The following DCDC1 variants were observed in gnomAD, a reference collection of about 807,000 sequenced individuals.
DCDC1 encodes doublecortin domain containing 1.
A neutral mutation model predicts 178.3 loss-of-function variants in DCDC1; 200 were observed. The observed-to-expected ratio is 1.12, with a 90% CI of 1.00 to 1.26. The LOEUF is 1.26. DCDC1 is among the 50% of genes most tolerant of loss of function. DCDC1 has a pLI of 0.00. For missense variants in DCDC1, 1,983 were observed against 1,749.2 expected, an observed-to-expected ratio of 1.13 and a Z score of -2.38; for synonymous variants, 690 against 604.8, an observed-to-expected ratio of 1.14 and a Z score of -2.07.
chr11:31,306,335 A>T lies in DCDC1; in HGVS notation c.488T>A (p.Leu163Ter). 1 of 1,610,128 alleles carries T rather than the reference A, an allele frequency of 6.2e-7. No individual in the cohort carries two copies. The highest frequency in any genetic ancestry group is 8.5e-7 in the Non-Finnish European group (1 of 1,178,042). ...TGGTTGAAGTTTGTGTCTTTGAGAC[A>T]ATTTCTGCCAATTCCGGGCTGACTG... The part of the protein sequence containing the change: ...KFQSARNWQK[L>*]SQRHKLQPRV... The change falls in exon 5 of 39, where the codon TTG becomes TAG. Residue 163 changes from leucine (L) to a stop codon, truncating the protein, a stop_gained. Transcript: ENST00000684477. LOFTEE classifies it high-confidence loss of function.
chr11:31,025,797 T>C (rs1470351477), intron 20 of DCDC1, among the ~76,000 whole-genome samples: 1 of 151,754 alleles, frequency 6.6e-6, no homozygotes, highest in African/African-American at 2.4e-5. Flanking sequence ...ATCTACACAA[T>C]AAATATGGCA....
At chr11:31,010,889 G>GT (rs1008886742) in intron 20 of DCDC1, among the ~76,000 whole-genome samples, 1 of 151,940 alleles carries the variant, frequency 6.6e-6, no homozygotes, top group Non-Finnish European at 1.5e-5. Flanking sequence ...AATTAGTTTT[G>GT]TTTTTTGCTT....
At chr11:30,993,648 A>G (rs1951102665) in intron 20 of DCDC1, among the ~76,000 whole-genome samples, 1 of 152,154 alleles carries the variant, frequency 6.6e-6, no homozygotes. Flanking sequence ...AATCGCATAC[A>G]CAGTGAAAGT....
At chr11:30,878,842 CA>C in intron 37 of DCDC1, 131 bp from the exon 38 acceptor site, 1 of 751,320 alleles carries the variant, frequency 1.3e-6, no homozygotes, top group Non-Finnish European at 2.0e-6. Flanking sequence ...TCTCTCATTA[CA>C]ACTTTGACTT....
intron 1 of DCDC1, among the ~76,000 whole-genome samples, chr11:31,347,390 T>G (rs984373642): frequency 3.9e-5 from 6 of 152,066 alleles, no homozygotes; most frequent in Non-Finnish European, 8.8e-5. Context: ...TCCCAAATTG[T>G]GAGGGAGAGT....
intron 20 of DCDC1, among the ~76,000 whole-genome samples, chr11:30,962,285 T>G (rs181099593): frequency 7.9e-5 from 12 of 152,172 alleles, no homozygotes; most frequent in Admixed American, 2.0e-4. Flanking sequence ...ACAGTTGAAA[T>G]TTGTTCATCT....
At chr11:31,033,963 G>A (rs1202473328) in intron 20 of DCDC1, among the ~76,000 whole-genome samples, 1 of 137,332 alleles carries the variant, frequency 7.3e-6, no homozygotes, top group African/African-American at 2.8e-5. Context: ...GGCCAACATA[G>A]TAAAACCCTG....
At chr11:30,945,047 C>T (rs943144968) in intron 21 of DCDC1, among the ~76,000 whole-genome samples, 2 of 135,606 alleles carry the variant, frequency 1.5e-5, no homozygotes, top group African/African-American at 5.5e-5. Context: ...CAGCTCACTG[C>T]AACCTCTGCC....
At chr11:30,994,782 AT>A (rs1297534604) in intron 20 of DCDC1, among the ~76,000 whole-genome samples, 1 of 145,642 alleles carries the variant, frequency 6.9e-6, no homozygotes, top group Non-Finnish European at 1.5e-5. Flanking sequence ...AATATTTATT[AT>A]AATAAATATA....
chr11:30,889,256 G>A (rs1221603924), intron 36 of DCDC1, among the ~76,000 whole-genome samples: 1 of 152,200 alleles, frequency 6.6e-6, no homozygotes, highest in African/African-American at 2.4e-5. Context: ...GATGACTGAT[G>A]AGCCGACAAC....
chr11:30,935,163 G>A (rs1947195489), intron 21 of DCDC1, among the ~76,000 whole-genome samples: 1 of 152,132 alleles, frequency 6.6e-6, no homozygotes, highest in Non-Finnish European at 1.5e-5. Flanking sequence ...TTGGCCCCTT[G>A]GACACATGTA....
intron 6 of DCDC1, among the ~76,000 whole-genome samples, chr11:31,301,655 A>C (rs1948124403): frequency 6.6e-6 from 1 of 152,204 alleles, no homozygotes; most frequent in African/African-American, 2.4e-5. Context: ...TATGAGAAAA[A>C]GTGTTATGCT....
At chr11:30,894,425 G>A (rs1326103792) in intron 34 of DCDC1, 41 bp from the exon 35 acceptor site, 1 of 1,599,732 alleles carries the variant, frequency 6.3e-7, no homozygotes, top group East Asian at 2.2e-5. Context: ...TCTGATGATA[G>A]GCTTTCAGAT....
chr11:31,019,412 G>A (rs1952714007), intron 20 of DCDC1, among the ~76,000 whole-genome samples: 1 of 151,224 alleles, frequency 6.6e-6, no homozygotes, highest in South Asian at 2.1e-4. Flanking sequence ...TATATTATAT[G>A]TTTGTAGAGT....
In DCDC1 at chr11:31,280,074, TTAAA is replaced by T. The variant is rs554692433; in HGVS notation, c.960+10569_960+10572del. Among the ~76,000 whole-genome samples the T allele has an allele frequency of 7.2e-5, 11 of 152,240 alleles. 1 individual carries two copies. The South Asian group carries it at 2.3e-3, about 32-fold the overall frequency. ...GATCATCTATAAAATGTGAGAAGTG[TTAAA>T]TAACCTTTGATATTACACATAAACC... On this transcript the variant is annotated intron_variant, in intron 7 of 38. Transcript: ENST00000684477.
intron 3 of DCDC1, among the ~76,000 whole-genome samples, chr11:31,322,767 T>G (rs145892162): frequency 4.4e-4 from 67 of 152,340 alleles, no homozygotes; most frequent in Middle Eastern, 3.4e-3. Context: ...CTGCTGAATT[T>G]AACCCTAAAA....
chr11:30,943,451 C>G (rs1947800717), intron 21 of DCDC1: 24 of 309,632 alleles, frequency 7.8e-5, no homozygotes, highest in South Asian at 6.9e-4. Context: ...CATGGCCCGT[C>G]CAAATGGATA....
chr11:30,889,695 G>A (rs1361017470), intron 36 of DCDC1, among the ~76,000 whole-genome samples: 1 of 152,192 alleles, frequency 6.6e-6, no homozygotes, highest in Non-Finnish European at 1.5e-5. Flanking sequence ...CATGGAAAAG[G>A]AAGAGATTCG....
chr11:31,226,112 T>A (rs1974918650), intron 9 of DCDC1, among the ~76,000 whole-genome samples: 1 of 152,052 alleles, frequency 6.6e-6, no homozygotes, highest in Admixed American at 6.6e-5. Flanking sequence ...TAATTTTCTC[T>A]TATATTTGGA....
Sources: allele counts gnomAD v4.1 joint callset (sites outside exome capture counted in the v4.1 genomes callset), GRCh38; gene constraint gnomAD v4.1.1; transcripts MANE v1.5; gene names NCBI Gene and HGNC (gene_info 2026-07-23, HGNC 2026-07-21).